Variants in GVQW3 observed in about 807,000 individuals in gnomAD.
The protein encoded by GVQW3 is GVQW motif containing 3.
Under a neutral mutation model 12.5 loss-of-function variants are expected in GVQW3, and 7 were observed. The observed-to-expected ratio is 0.56, with a 90% confidence interval of 0.32 to 1.05. The LOEUF is 1.05. Among genes scored for constraint, GVQW3 ranks in the 50% least tolerant of loss-of-function variants. The pLI is 0.04. For synonymous variants in GVQW3, 71 were observed against 67.2 expected (o/e 1.06, Z -0.28); for missense variants, 188 against 190.8 (o/e 0.99, Z 0.09).
intron 1 of GVQW3, among the ~76,000 whole-genome samples, chr11:76,402,851 A>G (rs12420155): frequency 0.25 from 38,029 of 151,836 alleles, 5,028 homozygotes; most frequent in Admixed American, 0.36. Flanking sequence ...GGCACACACC[A>G]CCACACCCGA....
At chr11:76,393,258 C>T (rs998050331) in intron 1 of GVQW3, among the ~76,000 whole-genome samples, 3 of 152,192 alleles carry the variant, frequency 2.0e-5, no homozygotes, top group Non-Finnish European at 4.4e-5. Context: ...TTGACCTCTC[C>T]TGAACAGAAT....
chr11:76,382,260 A>T lies in GVQW3; in HGVS notation c.432A>T (p.Glu144Asp). The change falls in exon 1 of 2, where the codon GAA becomes GAT. Residue 144 changes from glutamate (E) to aspartate (D), a missense_variant. By Grantham distance (45) the Glu-to-Asp change is conservative. Coordinates refer to ENST00000529331, the MANE Select transcript of GVQW3 (RefSeq NM_001347885.2). ...KLDFRSDLSK[E>D]TRKNSSCLRK... ...ACTTTCGGTCCGATCTTTCAAAGGA[A>T]ACTAGGAAAAATAGCTCATGTTTGA... 6.5e-7 allele frequency: 1 copy of T among 1,534,558 alleles called. No individual in the cohort carries two copies. The highest frequency in any genetic ancestry group is 8.7e-7 in the Non-Finnish European group (1 of 1,145,680).
chr11:76,393,313 C>T (rs1381719633), intron 1 of GVQW3, among the ~76,000 whole-genome samples: 1 of 152,208 alleles, frequency 6.6e-6, no homozygotes, highest in Non-Finnish European at 1.5e-5. Context: ...CTACCACCCA[C>T]CCAGTGGCCC....
At chr11:76,393,619 G>A (rs1946913169) in intron 1 of GVQW3, among the ~76,000 whole-genome samples, 1 of 151,956 alleles carries the variant, frequency 6.6e-6, no homozygotes, top group Admixed American at 6.6e-5. Flanking sequence ...TCAAGCCTCA[G>A]CCTCACCATT....
exon 2 of GVQW3, chr11:76,414,492 T>G (rs1947102064): frequency 6.6e-6 from 1 of 152,048 alleles, no homozygotes; most frequent in Non-Finnish European, 1.5e-5. Flanking sequence ...CCTCTCTCAC[T>G]CTTTGCACCA....
intron 1 of GVQW3, among the ~76,000 whole-genome samples, chr11:76,392,001 C>T (rs1946897227): frequency 6.6e-6 from 1 of 152,194 alleles, no homozygotes; most frequent in African/African-American, 2.4e-5. Flanking sequence ...TACTGAATTC[C>T]TTCTTCGAGC....
chr11:76,399,299 GCCTGGC>G (rs1328788086), intron 1 of GVQW3, among the ~76,000 whole-genome samples: 1 of 151,700 alleles, frequency 6.6e-6, no homozygotes, highest in African/African-American at 2.4e-5. Flanking sequence ...ATCACCCAAT[GCCTGGC>G]TAATTTTTGT....
intron 1 of GVQW3, among the ~76,000 whole-genome samples, chr11:76,388,744 T>C (rs1409494330): frequency 1.3e-5 from 2 of 152,126 alleles, no homozygotes; most frequent in Admixed American, 1.3e-4. Flanking sequence ...CATTGTTAAC[T>C]GCATACCTGG....
intron 1 of GVQW3, chr11:76,383,265 T>G (rs1470159699): frequency 6.6e-6 from 1 of 152,210 alleles, no homozygotes; most frequent in Non-Finnish European, 1.5e-5. Context: ...GCAGCCTGTT[T>G]TTAGTAACTA....
At chr11:76,384,128 G>A (rs1009420179) in intron 1 of GVQW3, among the ~76,000 whole-genome samples, 1 of 152,210 alleles carries the variant, frequency 6.6e-6, no homozygotes. Context: ...GGGGGCAGGG[G>A]TTTGGTAATA....
chr11:76,382,717 G>A (rs974719950), intron 1 of GVQW3: 1 of 402,608 alleles, frequency 2.5e-6, no homozygotes, highest in Non-Finnish European at 4.5e-6. Context: ...TCTCTGCCCA[G>A]ACCTTAGCTT....
At chr11:76,412,602 C>T (rs929363465), downstream of GVQW3, 30 of 152,190 alleles carry the variant, frequency 2.0e-4, no homozygotes, top group African/African-American at 7.2e-4. Flanking sequence ...TGGCTGAGGT[C>T]ACCTTGGCCT....
At chr11:76,400,954 A>G (rs1232630322) in intron 1 of GVQW3, among the ~76,000 whole-genome samples, 1 of 151,876 alleles carries the variant, frequency 6.6e-6, no homozygotes, top group African/African-American at 2.4e-5. Flanking sequence ...TGGAAGTTCT[A>G]TATGGTTCTT....
rs554285783 is a variant in GVQW3, at chr11:76,405,244, T to C, written c.*1486T>C. ...CCAGTAACTCCCAGCAGAGTTCTACTAAATCTCATTGGCCCAAGGGAGCTG... is the reference window on the plus strand; with the variant it reads ...CCAGTAACTCCCAGCAGAGTTCTACCAAATCTCATTGGCCCAAGGGAGCTG... On this transcript the variant is annotated 3_prime_UTR_variant, in exon 2 of 2. Coordinates refer to ENST00000529331, the MANE Select transcript of GVQW3 (RefSeq NM_001347885.2). 1 of 152,334 alleles carries C rather than the reference T, an allele frequency of 6.6e-6. No individual in the cohort carries two copies. Among genetic ancestry groups the C allele is most frequent in the South Asian group, 2.1e-4 (1 of 4,832 alleles). 9.4% of individuals were successfully genotyped at this position (152,334 alleles called of 1,614,324 possible). A position where few individuals can be genotyped will look rare whatever the true frequency, so the allele number is the denominator to read the frequency against.
At chr11:76,382,321 C>T (rs1387776414) in intron 1 of GVQW3, 28 bp downstream of exon 1, 4 of 1,389,880 alleles carry the variant, frequency 2.9e-6, no homozygotes, top group Non-Finnish European at 3.9e-6. Flanking sequence ...ATGGAGTTAT[C>T]TCCAGGGTGA....
At position 76,403,822 on chromosome 11, in the gene GVQW3, G is replaced by A. The variant is rs767903455; in HGVS notation, c.*64G>A. 37 of 665,434 alleles carry A rather than the reference G, an allele frequency of 5.6e-5. No homozygotes were observed. The highest frequency in any genetic ancestry group is 2.4e-4 in the Middle Eastern group (1 of 4,238). The allele number at this position is 665,434 out of a possible 1,614,324, so 41.2% of individuals were successfully genotyped here. On this transcript the variant is annotated 3_prime_UTR_variant, in exon 2 of 2. Transcript: ENST00000529331. ...AAATTCCAGTCTGAGTCCACAGGCC[G>A]AAGAGCGAGGAGTGCTGATGTACAA... is the stretch of plus-strand genomic sequence containing the variant.
intron 1 of GVQW3, among the ~76,000 whole-genome samples, chr11:76,399,616 T>C (rs539494140): frequency 7.9e-5 from 12 of 152,282 alleles, no homozygotes; most frequent in East Asian, 5.8e-4. Flanking sequence ...TTGGAATCAA[T>C]AGACTGAGTA....
Position 76,381,970 on chromosome 11 carries a change from A to G in GVQW3, c.142A>G (p.Lys48Glu), listed in dbSNP as rs1216149714. The G allele has an allele frequency of 6.5e-7, 1 of 1,536,282 alleles. No individual in the cohort carries two copies. The highest frequency in any genetic ancestry group is 2.0e-5 in the Admixed American group (1 of 50,980). Residue 48 changes from lysine to glutamate, a missense_variant, in exon 1 of 2, where the codon AAA becomes GAA. Transcript: ENST00000529331. ...AAGGGCCAGAGTTTTTGACTGGCAC[A>G]AAAGGTTTAAAGAAGGACGGGAAGA... ...MSRARVFDWHKRFKEGREDVR... is the reference protein window; with the variant it reads ...MSRARVFDWHERFKEGREDVR...
In GVQW3 at chr11:76,398,469, G is replaced by A. The variant is rs540927138; in HGVS notation, c.466-5191G>A. Among the ~76,000 whole-genome samples the A allele has an allele frequency of 3.9e-5, 6 of 152,018 alleles. No homozygotes were observed. In the South Asian group the frequency reaches 1.2e-3, roughly 32 times the overall value. ...TGGGACTACAGGTGCATGCCACCAC[G>A]CCCAGCTAATTTTTTGTATTTTTAG... is the stretch of plus-strand genomic sequence containing the variant. On this transcript the variant is annotated intron_variant, in intron 1 of 1. Coordinates refer to ENST00000529331, the MANE Select transcript of GVQW3 (RefSeq NM_001347885.2).
Sources: gnomAD v4.1 joint callset for allele counts (sites outside exome capture counted in the v4.1 genomes callset) on GRCh38, gnomAD v4.1.1 for gene constraint, MANE v1.5 for transcripts, NCBI Gene and HGNC (gene_info 2026-07-23, HGNC 2026-07-21) for gene names.